BICC1: variants seen among roughly 807,000 people sequenced by gnomAD.
BICC1 encodes BicC family RNA binding protein 1, also known as protein bicaudal C homolog 1.
Under a neutral mutation model 111.0 loss-of-function variants are expected in BICC1, and 43 were observed. The observed-to-expected ratio is 0.39, with a 90% CI of 0.30 to 0.50. The LOEUF is 0.50. Ranked by LOEUF, BICC1 falls within the 20% of genes least tolerant of loss-of-function variation. The pLI, the probability that BICC1 is intolerant of heterozygous loss-of-function variation, is 0.88. For missense variants in BICC1, 1,091 were observed against 1,203.2 expected (o/e 0.91, Z 1.38); for synonymous variants, 467 against 434.4 (o/e 1.07, Z -0.93).
intron 14 of BICC1, among the ~76,000 whole-genome samples, chr10:58,802,825 C>G (rs919675831): frequency 6.6e-6 from 1 of 152,206 alleles, no homozygotes; most frequent in Non-Finnish European, 1.5e-5. Context: ...GCCCTACAGT[C>G]AGAGTGCCCA....
chr10:58,772,557 G>T (rs1442817899), intron 3 of BICC1, among the ~76,000 whole-genome samples: 1 of 152,132 alleles, frequency 6.6e-6, no homozygotes, highest in Non-Finnish European at 1.5e-5. Context: ...ATCCTTTGAA[G>T]GTTTCAAAAT....
intron 1 of BICC1, among the ~76,000 whole-genome samples, chr10:58,514,689 C>G (rs1210079114): frequency 6.6e-6 from 1 of 151,910 alleles, no homozygotes; most frequent in African/African-American, 2.4e-5. Flanking sequence ...CTCTTTTTTT[C>G]TCAAATTATG....
chr10:58,647,526 A>G (rs1427643777), intron 2 of BICC1, among the ~76,000 whole-genome samples: 2 of 152,206 alleles, frequency 1.3e-5, no homozygotes, highest in Non-Finnish European at 2.9e-5. Context: ...GAAATGAATC[A>G]TAGTGGTTAC....
intron 12 of BICC1, among the ~76,000 whole-genome samples, chr10:58,799,690 G>A (rs892714562): frequency 8.6e-5 from 13 of 151,878 alleles, no homozygotes; most frequent in East Asian, 1.9e-4. Flanking sequence ...TCTCTATTCC[G>A]TTCCCTTGGT....
At chr10:58,675,043 G>A (rs116582221) in intron 2 of BICC1, among the ~76,000 whole-genome samples, 1,728 of 152,266 alleles carry the variant, frequency 0.011, 36 homozygotes, top group African/African-American at 0.037. Context: ...AAGTACTCAC[G>A]GATGGTAATT....
upstream of BICC1, among the ~76,000 whole-genome samples, chr10:58,512,329 G>A (rs984395391): frequency 6.6e-6 from 1 of 152,156 alleles, no homozygotes; most frequent in Admixed American, 6.5e-5. Context: ...CGAAAGACGG[G>A]CATGATTTCT....
chr10:58,600,507 G>C (rs1218601812), intron 1 of BICC1, among the ~76,000 whole-genome samples: 1 of 152,082 alleles, frequency 6.6e-6, no homozygotes. Context: ...CATTCATTTT[G>C]ACTTTGTTAA....
At chr10:58,579,297 CACTTTA>C (rs1182300355) in intron 1 of BICC1, among the ~76,000 whole-genome samples, 2 of 152,304 alleles carry the variant, frequency 1.3e-5, no homozygotes, top group South Asian at 2.1e-4. Context: ...GGAGAGAAGA[CACTTTA>C]ACTTTATTTT....
At chr10:58,718,789 CACGCCCGCGTGCTT>C (rs1179022644) in intron 3 of BICC1, among the ~76,000 whole-genome samples, 84 of 147,448 alleles carry the variant, frequency 5.7e-4, no homozygotes, top group African/African-American at 2.1e-3. Flanking sequence ...CGCGCGTGCG[CACGCCCGCGTGCTT>C]ATGGGTATGT....
intron 2 of BICC1, among the ~76,000 whole-genome samples, chr10:58,658,623 TC>T (rs1489228071): frequency 1.3e-5 from 2 of 152,162 alleles, no homozygotes; most frequent in Non-Finnish European, 1.5e-5. Context: ...AATTGTTTAT[TC>T]GTTTAATGGG....
At chr10:58,790,001 C>T in intron 8 of BICC1, 68 bp downstream of exon 8, 1 of 1,525,194 alleles carries the variant, frequency 6.6e-7, no homozygotes, top group Non-Finnish European at 9.0e-7. Context: ...GTTTTTCCAT[C>T]CACTGTACTA....
At chr10:58,750,638 A>G (rs1039424719) in intron 3 of BICC1, among the ~76,000 whole-genome samples, 9 of 152,186 alleles carry the variant, frequency 5.9e-5, no homozygotes, top group Admixed American at 5.9e-4. Flanking sequence ...TGCATCCTAC[A>G]GTCAATAAAA....
intron 3 of BICC1, among the ~76,000 whole-genome samples, chr10:58,755,133 T>C (rs1311272459): frequency 6.6e-6 from 1 of 152,176 alleles, no homozygotes; most frequent in Non-Finnish European, 1.5e-5. Flanking sequence ...GTTTTTTGTT[T>C]TCATAGAGTT....
At chr10:58,641,179 C>A (rs1838110945) in intron 2 of BICC1, among the ~76,000 whole-genome samples, 1 of 152,138 alleles carries the variant, frequency 6.6e-6, no homozygotes, top group Non-Finnish European at 1.5e-5. Flanking sequence ...TAAATAATTT[C>A]TTTTTATAGA....
intron 3 of BICC1, chr10:58,715,421 C>CATTG: frequency 1.6e-6 from 1 of 617,134 alleles, no homozygotes; most frequent in Non-Finnish European, 2.9e-6. Context: ...ACATTTCTAC[C>CATTG]ATTGGATTTT....
chr10:58,609,002 C>G lies in BICC1; in HGVS notation c.191-11853C>G, dbSNP rs541037698. Among the ~76,000 whole-genome samples the G allele has an allele frequency of 1.9e-4, 29 of 152,276 alleles. No homozygotes were observed. The South Asian group carries it at 4.8e-3, about 25-fold the overall frequency. On this transcript the variant is annotated intron_variant, in intron 1 of 20. Transcript: ENST00000373886. ...CTGGTCATGGATTTCTGCATATAACCTGAACTTTAAACATGCCTGGAACAC... is the reference window on the plus strand; with the variant it reads ...CTGGTCATGGATTTCTGCATATAACGTGAACTTTAAACATGCCTGGAACAC...
intron 3 of BICC1, among the ~76,000 whole-genome samples, chr10:58,729,778 C>T (rs998709361): frequency 6.6e-5 from 10 of 152,234 alleles, no homozygotes; most frequent in African/African-American, 2.4e-4. Flanking sequence ...CCACATCTCG[C>T]AAGAATTCAC....
intron 15 of BICC1, 38 bp from the exon 16 acceptor site, chr10:58,806,546 G>A: frequency 4.4e-6 from 7 of 1,586,134 alleles, no homozygotes; most frequent in Non-Finnish European, 5.2e-6. Flanking sequence ...GACATTTGGA[G>A]AGACTGTCAA....
Position 58,786,996 on chromosome 10 carries a change from A to T in BICC1, c.461A>T (p.Asn154Ile). The T allele has an allele frequency of 6.2e-7, 1 of 1,610,676 alleles. No homozygotes were observed. The highest frequency in any genetic ancestry group is 8.5e-7 in the Non-Finnish European group (1 of 1,178,690). The change falls in exon 5 of 21, where the codon AAT becomes ATT. Residue 154 changes from asparagine to isoleucine, a missense_variant. By Grantham distance (149) the Asn-to-Ile change is moderately radical. This residue lies in a region of BICC1 where 843 missense variants were observed against 900.8 expected (regional missense o/e 0.94). Coordinates refer to ENST00000373886, the MANE Select transcript of BICC1 (RefSeq NM_001080512.3). ...HSHVIGKGGN[N>I]IKKVMEETGC... ...CATGTAATCGGCAAAGGTGGCAACA[A>T]TATTAAAAAAGTGATGGAAGAAACC... is the stretch of plus-strand genomic sequence containing the variant.
Sources: gnomAD v4.1 joint callset for allele counts (sites outside exome capture counted in the v4.1 genomes callset) on GRCh38, gnomAD v4.1.1 for gene constraint, gnomAD v4.1.1 regional missense constraint, MANE v1.5 for transcripts, NCBI Gene and HGNC (gene_info 2026-07-23, HGNC 2026-07-21) for gene names.